The following FUT9 variants were observed in gnomAD, a reference collection of about 807,000 sequenced individuals.
The protein encoded by FUT9 is 4-galactosyl-N-acetylglucosaminide 3-alpha-L-fucosyltransferase 9.
FUT9 carries 15 observed loss-of-function variants against 29.7 expected under a neutral mutation model. The ratio of observed to expected loss-of-function variants is 0.51; its 90% CI spans 0.34 to 0.78. FUT9 has a LOEUF of 0.78. Among genes scored for constraint, FUT9 ranks in the 30% least tolerant of loss-of-function variants. The pLI is 0.01. For synonymous variants in FUT9, 169 were observed against 153.7 expected (o/e 1.10, Z -0.74); for missense variants, 319 against 425.4 (o/e 0.75, Z 2.20).
rs925611753 is a variant in FUT9 at position 96,016,046 on chromosome 6, T to C, written c.-264T>C. ...CGCGGCGCAGCAGCTCCAGATTCAC[T>C]GCTCTCCCCTGCAGCTCCCCGCGCC... On this transcript the variant is annotated 5_prime_UTR_variant, in exon 1 of 3. Coordinates refer to ENST00000302103, the MANE Select transcript of FUT9 (RefSeq NM_006581.4). The C allele has an allele frequency of 1.3e-5, 2 of 151,996 alleles. No homozygotes were observed. Among genetic ancestry groups the C allele is most frequent in the Non-Finnish European group, 2.9e-5 (2 of 68,170 alleles). The allele number at this position is 151,996 out of a possible 1,614,324, so 9.4% of individuals were successfully genotyped here.
chr6:96,169,147 C>T (rs769762935), intron 2 of FUT9, among the ~76,000 whole-genome samples: 9 of 152,234 alleles, frequency 5.9e-5, no homozygotes, highest in South Asian at 2.1e-4. Context: ...CTGTCCACTA[C>T]AGTGACTTAC....
At chr6:96,022,612 T>C (rs1316787475) in intron 1 of FUT9, among the ~76,000 whole-genome samples, 1 of 151,910 alleles carries the variant, frequency 6.6e-6, no homozygotes, top group Non-Finnish European at 1.5e-5. Flanking sequence ...AACAGTTGAA[T>C]GAGCCACTTT....
intron 2 of FUT9, among the ~76,000 whole-genome samples, chr6:96,190,290 C>A (rs1030417899): frequency 1.1e-4 from 17 of 152,130 alleles, no homozygotes; most frequent in African/African-American, 3.9e-4. Flanking sequence ...TTAGTCAGAT[C>A]GGCTTCCTTT....
chr6:96,203,044 CTTGT>C (rs1773756236), intron 2 of FUT9, 100 bp from the exon 3 acceptor site: 2 of 837,286 alleles, frequency 2.4e-6, no homozygotes, highest in Non-Finnish European at 3.6e-6. Flanking sequence ...TTGATTACTA[CTTGT>C]TTATCTCATA....
chr6:96,161,709 A>T (rs1562147505), intron 2 of FUT9, among the ~76,000 whole-genome samples: 1 of 152,202 alleles, frequency 6.6e-6, no homozygotes, highest in Non-Finnish European at 1.5e-5. Flanking sequence ...TCTGTTCAAT[A>T]AAAGCTGTAT....
chr6:96,109,721 C>T (rs991678641), intron 1 of FUT9, among the ~76,000 whole-genome samples: 1 of 152,212 alleles, frequency 6.6e-6, no homozygotes, highest in African/African-American at 2.4e-5. Flanking sequence ...TGCTTCCAGG[C>T]TTGCCCCTCT....
At chr6:96,052,970 T>C (rs571106932) in intron 1 of FUT9, among the ~76,000 whole-genome samples, 1 of 152,076 alleles carries the variant, frequency 6.6e-6, no homozygotes, top group African/African-American at 2.4e-5. Flanking sequence ...CTGTTTTTTT[T>C]TGTCTTCATT....
Position 96,058,600 on chromosome 6 carries a change from TA to T in FUT9, c.-98+42395del, listed in dbSNP as rs566332814. On this transcript the variant is annotated intron_variant, in intron 1 of 2. Coordinates refer to ENST00000302103, the MANE Select transcript of FUT9 (RefSeq NM_006581.4). ...AAGCTAAATGCATAATAATTTCAGG[TA>T]AAAAAATACAAACGAATGTTTGAAG... 1.4e-4 allele frequency among the ~76,000 whole-genome samples: 21 copies of T among 151,846 alleles called. No individual in the cohort carries two copies. In the South Asian group the frequency reaches 3.7e-3, roughly 27 times the overall value.
chr6:96,132,097 C>G (rs1772256046), intron 2 of FUT9, among the ~76,000 whole-genome samples: 1 of 151,944 alleles, frequency 6.6e-6, no homozygotes, highest in Non-Finnish European at 1.5e-5. Context: ...CCCACGTTAC[C>G]CATGATACAT....
intron 1 of FUT9, among the ~76,000 whole-genome samples, chr6:96,095,689 G>C (rs554458097): frequency 6.6e-6 from 1 of 151,914 alleles, no homozygotes; most frequent in African/African-American, 2.4e-5. Flanking sequence ...ATGTTGTCCT[G>C]CCCCAGCCTT....
chr6:96,092,662 T>C (rs560380193), intron 1 of FUT9, among the ~76,000 whole-genome samples: 5 of 152,268 alleles, frequency 3.3e-5, no homozygotes, highest in African/African-American at 9.6e-5. Flanking sequence ...TCTGGAGTAT[T>C]TTAGCTCTAT....
Position 96,214,792 on chromosome 6 carries a change from T to G in FUT9, c.*10557T>G, listed in dbSNP as rs1774007105. ...GTTGGAAGGTAATTTCATTGCTATG[T>G]TATTAAAATGATGGGAATCCTATTT... is the stretch of plus-strand genomic sequence containing the variant. On this transcript the variant is annotated 3_prime_UTR_variant, in exon 3 of 3. Transcript: ENST00000302103. The G allele has an allele frequency of 6.0e-6, 1 of 166,998 alleles. No homozygotes were observed. The highest frequency in any genetic ancestry group is 2.4e-5 in the African/African-American group (1 of 41,446). The allele number at this position is 166,998 out of a possible 1,614,324, so 10.3% of individuals were successfully genotyped here.
At chr6:96,185,130 T>C (rs1214609794) in intron 2 of FUT9, among the ~76,000 whole-genome samples, 2 of 142,086 alleles carry the variant, frequency 1.4e-5, no homozygotes, top group African/African-American at 5.0e-5. Context: ...AACTCCTTCC[T>C]CCTCAACAAT....
At chr6:96,080,380 G>T (rs1771214993) in intron 1 of FUT9, among the ~76,000 whole-genome samples, 1 of 151,914 alleles carries the variant, frequency 6.6e-6, no homozygotes, top group Admixed American at 6.6e-5. Context: ...TCAATAAAAT[G>T]AAATTTTAAG....
intron 2 of FUT9, among the ~76,000 whole-genome samples, chr6:96,169,124 GT>G (rs1329501431): frequency 4.6e-5 from 7 of 152,164 alleles, no homozygotes; most frequent in African/African-American, 1.4e-4. Flanking sequence ...AGGGAGCTGG[GT>G]GATGCCCTAC....
intron 1 of FUT9, among the ~76,000 whole-genome samples, chr6:96,089,382 T>C (rs534517514): frequency 6.6e-6 from 1 of 152,284 alleles, no homozygotes; most frequent in South Asian, 2.1e-4. Flanking sequence ...TCCCTTTCCC[T>C]GAGCTGCAGC....
chr6:96,189,405 C>T (rs1453513378), intron 2 of FUT9, among the ~76,000 whole-genome samples: 1 of 151,934 alleles, frequency 6.6e-6, no homozygotes, highest in Non-Finnish European at 1.5e-5. Flanking sequence ...AATTCATCAA[C>T]AGCCCTAAAA....
intron 1 of FUT9, among the ~76,000 whole-genome samples, chr6:96,065,001 T>G (rs1770939139): frequency 6.6e-6 from 1 of 152,180 alleles, no homozygotes; most frequent in Non-Finnish European, 1.5e-5. Flanking sequence ...AAAATTCCCT[T>G]GCTTCACTCC....
At chr6:96,035,817 ATATAT>A (rs1282998875) in intron 1 of FUT9, among the ~76,000 whole-genome samples, 3 of 134,220 alleles carry the variant, frequency 2.2e-5, no homozygotes, top group East Asian at 2.1e-4. Context: ...AATACATATA[ATATAT>A]TATATGTATT....
Sources: gnomAD v4.1 joint callset for allele counts (sites outside exome capture counted in the v4.1 genomes callset) on GRCh38, gnomAD v4.1.1 for gene constraint, MANE v1.5 for transcripts, NCBI Gene and HGNC (gene_info 2026-07-23, HGNC 2026-07-21) for gene names.